CASP5: variants seen among roughly 807,000 people sequenced by gnomAD.
CASP5 encodes caspase-5.
CASP5 carries 42 observed loss-of-function variants against 45.2 expected under a neutral mutation model. The ratio of observed to expected loss-of-function variants is 0.93; its 90% CI spans 0.73 to 1.20. The LOEUF is 1.20. Ranked by LOEUF, CASP5 falls within the 50% of genes most tolerant of loss-of-function variation. CASP5 has a pLI of 0.00. For missense variants in CASP5, 512 were observed against 532.2 expected, an observed-to-expected ratio of 0.96 and a Z score of 0.37; for synonymous variants, 209 against 186.2, an observed-to-expected ratio of 1.12 and a Z score of -1.00.
At chr11:105,021,521 A>G (rs1156889565) in intron 1 of CASP5, among the ~76,000 whole-genome samples, 2 of 150,950 alleles carry the variant, frequency 1.3e-5, no homozygotes, top group East Asian at 1.9e-4. Flanking sequence ...ACACTTCTCA[A>G]AAGAAGACAT....
chr11:105,003,795 A>C (rs1219562055), intron 3 of CASP5, among the ~76,000 whole-genome samples: 1 of 152,062 alleles, frequency 6.6e-6, no homozygotes, highest in Admixed American at 6.6e-5. Flanking sequence ...TTTGAAATAC[A>C]ATGTGAGTTC....
chr11:105,000,149 A>G, intron 6 of CASP5, 112 bp downstream of exon 6: 1 of 1,100,840 alleles, frequency 9.1e-7, no homozygotes, highest in Admixed American at 1.9e-5. Context: ...AATTCAATGT[A>G]CTTTATTTGC....
At position 104,994,248 on chromosome 11, in the gene CASP5, TCTTTA is replaced by T. The variant is rs1483467939; in HGVS notation, c.*99_*103del. Reference sequence around the variant, plus strand: ...GTTCATACAATCTAAAAAGATACAGTCTTTACTTTTATTGAAATACCAAATATTGA... The same window carrying T: ...GTTCATACAATCTAAAAAGATACAGTCTTTTATTGAAATACCAAATATTGA... On this transcript the variant is annotated 3_prime_UTR_variant, in exon 10 of 10. Transcript: ENST00000260315. 1.1e-4 allele frequency: 16 copies of T among 152,254 alleles called. No homozygotes were observed. Among genetic ancestry groups the T allele is most frequent in the African/African-American group, 3.6e-4 (15 of 41,534 alleles). 9.4% of individuals were successfully genotyped at this position (152,254 alleles called of 1,614,324 possible).
chr11:105,015,460 C>T (rs1231824481), intron 1 of CASP5, among the ~76,000 whole-genome samples: 2 of 152,140 alleles, frequency 1.3e-5, no homozygotes, highest in Non-Finnish European at 2.9e-5. Flanking sequence ...TCATCAAGAG[C>T]AGTTTTGGTC....
intron 7 of CASP5, 28 bp downstream of exon 7, chr11:104,998,857 T>G (rs755325396): frequency 6.2e-7 from 1 of 1,604,918 alleles, no homozygotes; most frequent in Admixed American, 1.7e-5. Context: ...CACCCCCAAA[T>G]TTTTGACTGT....
chr11:105,014,317 C>T (rs1463592370), intron 1 of CASP5, among the ~76,000 whole-genome samples: 1 of 151,804 alleles, frequency 6.6e-6, no homozygotes, highest in African/African-American at 2.4e-5. Context: ...TCAGGCAATC[C>T]TCTGATTCTC....
intron 1 of CASP5, among the ~76,000 whole-genome samples, chr11:105,012,768 T>C (rs780325533): frequency 7.3e-5 from 11 of 150,922 alleles, no homozygotes; most frequent in Admixed American, 2.0e-4. Context: ...AGATAACAAG[T>C]GTTGGAAAGG....
chr11:105,013,821 A>C (rs1006683903), intron 1 of CASP5, among the ~76,000 whole-genome samples: 6 of 151,396 alleles, frequency 4.0e-5, no homozygotes, highest in African/African-American at 1.5e-4. Context: ...ATATAGTAAA[A>C]AATAATACCT....
At chr11:104,999,124 C>A in intron 6 of CASP5, 96 bp from the exon 7 acceptor site, 1 of 1,090,212 alleles carries the variant, frequency 9.2e-7, no homozygotes, top group African/African-American at 1.6e-5. Context: ...TACGCATGTA[C>A]CATTGTGGTT....
At chr11:105,017,683 G>A (rs868587932) in intron 1 of CASP5, among the ~76,000 whole-genome samples, 1 of 152,084 alleles carries the variant, frequency 6.6e-6, no homozygotes, top group South Asian at 2.1e-4. Flanking sequence ...CGTCTGATTG[G>A]TGTACCTGAA....
At chr11:105,009,806 TAC>T (rs1367352048) in intron 1 of CASP5, among the ~76,000 whole-genome samples, 4 of 105,368 alleles carry the variant, frequency 3.8e-5, no homozygotes, top group East Asian at 4.6e-4. Flanking sequence ...TATATATATA[TAC>T]ACACACATAT....
At chr11:105,014,431 G>A (rs1036575171) in intron 1 of CASP5, among the ~76,000 whole-genome samples, 1 of 151,914 alleles carries the variant, frequency 6.6e-6, no homozygotes, top group South Asian at 2.1e-4. Flanking sequence ...CTAATTCTCA[G>A]CATCCACCAT....
In CASP5 at chr11:104,996,520, C is replaced by T. The variant is rs188729480; in HGVS notation, c.1207-678G>A. On this transcript the variant is annotated intron_variant, in intron 8 of 9. Transcript: ENST00000260315. ...TTTCCCACAAGAGTTTTACTGTTCT[C>T]TATAATTTTTAATTTAGAAACAACC... Among the ~76,000 whole-genome samples the T allele has an allele frequency of 2.6e-5, 4 of 152,130 alleles. No homozygotes were observed. The East Asian group carries it at 7.7e-4, about 29-fold the overall frequency.
At chr11:105,014,394 T>A (rs1448167141) in intron 1 of CASP5, among the ~76,000 whole-genome samples, 9 of 152,118 alleles carry the variant, frequency 5.9e-5, no homozygotes, top group Non-Finnish European at 1.3e-4. Context: ...GTAGCATAGT[T>A]TTTTACCTTT....
intron 4 of CASP5, 119 bp from the exon 5 acceptor site, chr11:105,002,320 A>G (rs1304677545): frequency 2.8e-6 from 2 of 726,460 alleles, no homozygotes; most frequent in Non-Finnish European, 4.7e-6. Flanking sequence ...AACCTCTATC[A>G]GAAGACACTG....
intron 1 of CASP5, among the ~76,000 whole-genome samples, chr11:105,009,736 TATATATATATATATATATATATACACAC>T (rs1862188092): frequency 1.5e-5 from 1 of 64,606 alleles, no homozygotes; most frequent in African/African-American, 9.0e-5. Context: ...TATATATATA[TATATATATATATATATATATATACACAC>T]ACACACGTAT....
At position 105,003,095 on chromosome 11, in the gene CASP5, G is replaced by C. The variant is rs550824202; in HGVS notation, c.543+179C>G. ...TGCATTTGTAGTGCTAACTACTTGG[G>C]AGGCTGAGGCTGGAGAATCTCTTGA... On this transcript the variant is annotated intron_variant, in intron 4 of 9. Coordinates refer to ENST00000260315, the MANE Select transcript of CASP5 (RefSeq NM_004347.5). Among the ~76,000 whole-genome samples, 4 of 152,196 alleles carry C rather than the reference G, an allele frequency of 2.6e-5. No individual in the cohort carries two copies. In the East Asian group the frequency reaches 5.8e-4, roughly 22 times the overall value.
chr11:105,001,066 T>G (rs1170268479), intron 5 of CASP5, among the ~76,000 whole-genome samples: 1 of 152,232 alleles, frequency 6.6e-6, no homozygotes, highest in East Asian at 1.9e-4. Context: ...CTTCCGGTAG[T>G]GCCGTCCAAC....
At chr11:105,008,522 A>G (rs79682627) in intron 2 of CASP5, among the ~76,000 whole-genome samples, 463 of 152,168 alleles carry the variant, frequency 3.0e-3, no homozygotes, top group African/African-American at 0.011. Context: ...ATTATTAGTA[A>G]CAGAATCTAG....
Sources: gnomAD v4.1 joint callset for allele counts (sites outside exome capture counted in the v4.1 genomes callset) on GRCh38, gnomAD v4.1.1 for gene constraint, MANE v1.5 for transcripts, NCBI Gene and HGNC (gene_info 2026-07-23, HGNC 2026-07-21) for gene names.